Variants in CAPN2 observed in about 807,000 individuals in gnomAD.
CAPN2 encodes the protein calpain-2 catalytic subunit.
Under a neutral mutation model 102.3 loss-of-function variants are expected in CAPN2, and 92 were observed. The observed-to-expected ratio is 0.90, with a 90% CI of 0.76 to 1.07. The LOEUF is 1.07. Ranked by LOEUF, CAPN2 falls within the 50% of genes least tolerant of loss-of-function variation. CAPN2 has a pLI of 0.00. For synonymous variants in CAPN2, 340 were observed against 355.4 expected (o/e 0.96, Z 0.49); for missense variants, 800 against 909.4 (o/e 0.88, Z 1.55).
intron 2 of CAPN2, among the ~76,000 whole-genome samples, chr1:223,722,444 C>T (rs1408911021): frequency 2.6e-5 from 4 of 151,490 alleles, no homozygotes; most frequent in Non-Finnish European, 5.9e-5. Flanking sequence ...CGCACCACCT[C>T]ACCTGGCTAA....
rs1661597517 is a variant in CAPN2 at position 223,775,557 on chromosome 1, A to G, written c.*700A>G. The G allele has an allele frequency of 6.6e-6, 1 of 152,554 alleles. No homozygotes were observed. The highest frequency in any genetic ancestry group is 2.4e-5 in the African/African-American group (1 of 41,450). 9.5% of individuals were successfully genotyped at this position (152,554 alleles called of 1,614,324 possible). A position where few individuals can be genotyped will look rare whatever the true frequency, so the allele number is the denominator to read the frequency against. ...ACCAAAGGGATCCTGCGCTTGATCA[A>G]CTGAACCAGTATGCCAAAACCAGGC... On this transcript the variant is annotated 3_prime_UTR_variant, in exon 21 of 21. Transcript: ENST00000295006.
chr1:223,748,196 C>T (rs1660797315), intron 5 of CAPN2, among the ~76,000 whole-genome samples: 1 of 152,220 alleles, frequency 6.6e-6, no homozygotes, highest in Non-Finnish European at 1.5e-5. Flanking sequence ...TTGCTGGCAA[C>T]GCTCACCAGG....
At chr1:223,772,003 A>G in intron 19 of CAPN2, 78 bp downstream of exon 19, 1 of 1,158,926 alleles carries the variant, frequency 8.6e-7, no homozygotes, top group South Asian at 1.2e-5. Context: ...CGGTGAAATC[A>G]TCTAAACTAG....
chr1:223,731,475 C>T lies in CAPN2; in HGVS notation c.308-12625C>T, dbSNP rs1660333172. 6.6e-6 allele frequency among the ~76,000 whole-genome samples: 1 copy of T among 152,078 alleles called. No homozygotes were observed. Among genetic ancestry groups the T allele is most frequent in the African/African-American group, 2.4e-5 (1 of 41,410 alleles). ...CTCCCCGCTCTAAGCCTTCCTCGCCCACCCCAGCCCTCCTACAGTCCCAGT... is the reference window on the plus strand; with the variant it reads ...CTCCCCGCTCTAAGCCTTCCTCGCCTACCCCAGCCCTCCTACAGTCCCAGT... On this transcript the variant is annotated intron_variant, in intron 2 of 20. Transcript: ENST00000295006. This position sits in a 1 kb window ranked among gnomAD's most constrained non-coding sequence, Gnocchi z 4.2.
In CAPN2 at chr1:223,762,227, A is replaced by G. The variant is rs767493711; in HGVS notation, c.1608A>G (p.Arg536=). The change falls in exon 14 of 21, where the codon AGA becomes AGG. Residue 536 remains arginine, a synonymous_variant. Transcript: ENST00000295006. The part of the protein sequence containing the change: ...SEDDIDDGFR[R]LFAQLAGEDA... ...ATGACATTGATGATGGATTCAGGAG[A>G]CTGTTTGCCCAGTTGGCAGGAGAGG... The G allele has an allele frequency of 6.2e-7, 1 of 1,613,896 alleles. No individual in the cohort carries two copies. The highest frequency in any genetic ancestry group is 1.7e-5 in the Admixed American group (1 of 60,016).
intron 12 of CAPN2, among the ~76,000 whole-genome samples, chr1:223,760,630 G>C (rs1369311977): frequency 6.6e-6 from 1 of 152,088 alleles, no homozygotes; most frequent in Admixed American, 6.5e-5. Context: ...AAGAAAATAG[G>C]AGCATGACCT....
At chr1:223,763,770 C>G (rs1661244617) in intron 14 of CAPN2, among the ~76,000 whole-genome samples, 1 of 152,114 alleles carries the variant, frequency 6.6e-6, no homozygotes. Context: ...CTACTGCATC[C>G]GTACATTAAA....
intron 1 of CAPN2, among the ~76,000 whole-genome samples, chr1:223,702,072 AGG>A (rs1404865307): frequency 6.0e-5 from 1 of 16,578 alleles, no homozygotes; most frequent in African/African-American, 1.6e-4. Flanking sequence ...GAAGGGAGGG[AGG>A]GAGGGAGGGA....
chr1:223,756,972 G>A lies in CAPN2; in HGVS notation c.1306-397G>A, dbSNP rs941127161. Among the ~76,000 whole-genome samples, 12 of 152,146 alleles carry A rather than the reference G, an allele frequency of 7.9e-5. No individual in the cohort carries two copies. The highest frequency in any genetic ancestry group is 1.9e-4 in the East Asian group (1 of 5,182). On this transcript the variant is annotated intron_variant, in intron 10 of 20. Transcript: ENST00000295006. This position sits in a 1 kb window ranked among gnomAD's most constrained non-coding sequence, Gnocchi z 4.1. ...GGACTTGCTCAAGGAAATGCAGACCGGACCACTGGACCTGGCTGACAGAGG... is the reference window on the plus strand; with the variant it reads ...GGACTTGCTCAAGGAAATGCAGACCAGACCACTGGACCTGGCTGACAGAGG...
chr1:223,733,727 C>G (rs1033948200), intron 2 of CAPN2, among the ~76,000 whole-genome samples: 2 of 152,170 alleles, frequency 1.3e-5, no homozygotes, highest in African/African-American at 4.8e-5. Context: ...CTTTCCCAAA[C>G]AAATTAGAAG....
intron 1 of CAPN2, among the ~76,000 whole-genome samples, chr1:223,706,949 G>A (rs1006558048): frequency 2.0e-5 from 3 of 151,844 alleles, no homozygotes; most frequent in Admixed American, 6.6e-5. Flanking sequence ...GCATGGCAGT[G>A]AGCCCCTGTA....
rs1445479957 is a variant in CAPN2 at position 223,722,972 on chromosome 1, C to A, written c.307+5141C>A. 7.2e-5 allele frequency among the ~76,000 whole-genome samples: 11 copies of A among 152,124 alleles called. No individual in the cohort carries two copies. In the South Asian group the frequency reaches 8.3e-4, roughly 11 times the overall value. On this transcript the variant is annotated intron_variant, in intron 2 of 20. Coordinates refer to ENST00000295006, the MANE Select transcript of CAPN2 (RefSeq NM_001748.5). Reference sequence around the variant, plus strand: ...CTTTCCTTAATTTTGATGACCTTGACAGTTTTGGGGAATATTGATCAGAGA... The same window carrying A: ...CTTTCCTTAATTTTGATGACCTTGAAAGTTTTGGGGAATATTGATCAGAGA...
chr1:223,726,511 C>T lies in CAPN2; in HGVS notation c.307+8680C>T, dbSNP rs933053990. ...CTTCTGGTCCAGGGCACGGCTGAGA[C>T]AGGCAAGGGACTAGAGAGAGGAAGA... On this transcript the variant is annotated intron_variant, in intron 2 of 20. Coordinates refer to ENST00000295006, the MANE Select transcript of CAPN2 (RefSeq NM_001748.5). The surrounding 1 kb of genome is among the most constrained non-coding windows in gnomAD (Gnocchi z 4.4). Among the ~76,000 whole-genome samples, 1 of 152,218 alleles carries T rather than the reference C, an allele frequency of 6.6e-6. No homozygotes were observed. Among genetic ancestry groups the T allele is most frequent in the African/African-American group, 2.4e-5 (1 of 41,450 alleles).
chr1:223,773,464 C>T (rs1033934092), intron 20 of CAPN2, among the ~76,000 whole-genome samples: 2 of 151,994 alleles, frequency 1.3e-5, no homozygotes, highest in African/African-American at 4.8e-5. Flanking sequence ...GAGGCCAAGG[C>T]GGGCGAATCA....
intron 8 of CAPN2, 144 bp downstream of exon 8, chr1:223,752,215 A>G: frequency 3.2e-6 from 2 of 627,972 alleles, no homozygotes; most frequent in South Asian, 2.0e-5. Flanking sequence ...TGTTATTTTA[A>G]GTTCACTATA....
chr1:223,710,456 C>G (rs1011592244), upstream of CAPN2, among the ~76,000 whole-genome samples: 1 of 152,126 alleles, frequency 6.6e-6, no homozygotes, highest in Non-Finnish European at 1.5e-5. Flanking sequence ...AAGCCTCCCC[C>G]TCCCCTACCC....
Position 223,725,555 on chromosome 1 carries a change from C to T in CAPN2, c.307+7724C>T, listed in dbSNP as rs1041300797. Among the ~76,000 whole-genome samples the T allele has an allele frequency of 4.0e-4, 61 of 152,236 alleles. 1 individual carries two copies. The highest frequency in any genetic ancestry group is 5.8e-4 in the East Asian group (3 of 5,182). ...AGGGGAGTACTGTCAAATGAGGTCG[C>T]GTCGCTGAGGTGGAGACACATTGTG... On this transcript the variant is annotated intron_variant, in intron 2 of 20. Transcript: ENST00000295006. This position sits in a 1 kb window ranked among gnomAD's most constrained non-coding sequence, Gnocchi z 4.1.
chr1:223,738,971 C>A (rs1660537885), intron 2 of CAPN2, among the ~76,000 whole-genome samples: 2 of 152,254 alleles, frequency 1.3e-5, no homozygotes, highest in African/African-American at 4.8e-5. Context: ...AGGCCCTGGG[C>A]CCCCGGTGAG....
At chr1:223,748,476 C>T (rs1660803874) in intron 5 of CAPN2, among the ~76,000 whole-genome samples, 1 of 152,200 alleles carries the variant, frequency 6.6e-6, no homozygotes, top group Admixed American at 6.5e-5. Flanking sequence ...GGCTGTGAGG[C>T]GTTCTTAAAA....
Sources: gnomAD v4.1 joint callset for allele counts (sites outside exome capture counted in the v4.1 genomes callset) on GRCh38, gnomAD v4.1.1 for gene constraint, Gnocchi (gnomAD v3.1) non-coding constraint, MANE v1.5 for transcripts, NCBI Gene and HGNC (gene_info 2026-07-23, HGNC 2026-07-21) for gene names.